RANBP9: variants seen among roughly 807,000 people sequenced by gnomAD.
The protein encoded by RANBP9 is ran-binding protein 9.
A neutral mutation model predicts 84.3 loss-of-function variants in RANBP9; 15 were observed. That is an observed-to-expected ratio of 0.18 (90% CI 0.12 to 0.27). RANBP9 has a LOEUF of 0.27. Ranked by LOEUF, RANBP9 falls within the 10% of genes least tolerant of loss-of-function variation. RANBP9 has a pLI of 1.00. For missense variants in RANBP9, 809 were observed against 912.8 expected (o/e 0.89, Z 1.46); for synonymous variants, 392 against 349.6 (o/e 1.12, Z -1.35).
chr6:13,676,370 C>G (rs1391368361), intron 2 of RANBP9, among the ~76,000 whole-genome samples: 1 of 151,906 alleles, frequency 6.6e-6, no homozygotes, highest in African/African-American at 2.4e-5. Flanking sequence ...TAATTCCAAC[C>G]AAACATGTAA....
rs139753744 is a variant in RANBP9, at chr6:13,680,697, A to G, written c.683+16088T>C. Among the ~76,000 whole-genome samples the G allele has an allele frequency of 3.3e-3, 504 of 152,076 alleles. 2 individuals are homozygous for G. Among genetic ancestry groups the G allele is most frequent in the African/African-American group, 0.012 (491 of 41,494 alleles). On this transcript the variant is annotated intron_variant, in intron 2 of 13. Transcript: ENST00000011619. ...CTTGGCCCCAGGAGGTTGAGGCTGC[A>G]GTGAGCCATGATTGTGCCACAGCCC...
chr6:13,656,525 G>A (rs1347841492), intron 4 of RANBP9, among the ~76,000 whole-genome samples: 1 of 152,052 alleles, frequency 6.6e-6, no homozygotes, highest in Non-Finnish European at 1.5e-5. Context: ...CAATGTATGG[G>A]TTTCAAGTTT....
chr6:13,700,634 C>A (rs1040252938), intron 1 of RANBP9, among the ~76,000 whole-genome samples: 2 of 152,182 alleles, frequency 1.3e-5, no homozygotes, highest in Admixed American at 1.3e-4. Context: ...ACACACTTAA[C>A]ACTCACGTTT....
At chr6:13,657,907 C>CA (rs1470334355) in intron 3 of RANBP9, among the ~76,000 whole-genome samples, 1 of 152,176 alleles carries the variant, frequency 6.6e-6, no homozygotes, top group Non-Finnish European at 1.5e-5. Flanking sequence ...GATGCAACTA[C>CA]ATTGTCTTGG....
intron 2 of RANBP9, among the ~76,000 whole-genome samples, chr6:13,688,982 C>CAAGAAAAAA (rs1766261383): frequency 3.3e-5 from 1 of 29,958 alleles, no homozygotes; most frequent in Non-Finnish European, 7.3e-5. Flanking sequence ...CCCATCTCCA[C>CAAGAAAAAA]AAAAAAAAAA....
chr6:13,652,597 T>A, intron 5 of RANBP9, 62 bp downstream of exon 5: 2 of 1,400,852 alleles, frequency 1.4e-6, no homozygotes, highest in South Asian at 2.4e-5. Context: ...ATATGCCCAG[T>A]ATCAGTTTCT....
intron 2 of RANBP9, among the ~76,000 whole-genome samples, chr6:13,691,163 CAAAAAAAAAA>C (rs767728179): frequency 5.4e-4 from 31 of 57,502 alleles, no homozygotes; most frequent in South Asian, 4.2e-3. Context: ...GACTCCGTCT[CAAAAAAAAAA>C]AAAAAAAAAG....
At chr6:13,624,232 T>C (rs1221342872) in intron 13 of RANBP9, among the ~76,000 whole-genome samples, 2 of 152,236 alleles carry the variant, frequency 1.3e-5, no homozygotes, top group Non-Finnish European at 2.9e-5. Context: ...ATAAATTTTC[T>C]AAGGGCAAAG....
In RANBP9 at chr6:13,639,619, T is replaced by C. The variant is rs1359609934; in HGVS notation, c.1469A>G (p.His490Arg). Reference sequence around the variant, plus strand: ...TGCTAAATTGTGGATATTCATTCCATGGCTGGGGCTCATACTTGGACTACT... The same window carrying C: ...TGCTAAATTGTGGATATTCATTCCACGGCTGGGGCTCATACTTGGACTACT... ...PFSSPSMSPS[H>R]GMNIHNLASG... The change falls in exon 9 of 14, where the codon CAT becomes CGT. Residue 490 changes from histidine (H) to arginine (R), a missense_variant. By Grantham distance (29) the His-to-Arg change is conservative. Transcript: ENST00000011619. The C allele has an allele frequency of 3.1e-6, 5 of 1,612,950 alleles. No homozygotes were observed. Among genetic ancestry groups the C allele is most frequent in the African/African-American group, 2.7e-5 (2 of 74,920 alleles).
intron 5 of RANBP9, among the ~76,000 whole-genome samples, chr6:13,650,175 T>G (rs935148657): frequency 2.0e-5 from 3 of 151,292 alleles, no homozygotes; most frequent in Non-Finnish European, 2.9e-5. Flanking sequence ...TGTTTTTTTT[T>G]TTTTTAGTAG....
At chr6:13,645,281 T>A (rs1765155123) in intron 5 of RANBP9, among the ~76,000 whole-genome samples, 1 of 151,766 alleles carries the variant, frequency 6.6e-6, no homozygotes, top group South Asian at 2.1e-4. Flanking sequence ...CAAAACACAG[T>A]GCCAGGAAGA....
At position 13,711,026 on chromosome 6, in the gene RANBP9, T is replaced by C; in HGVS notation, c.480A>G (p.Glu160=). 6.2e-7 allele frequency: 1 copy of C among 1,602,972 alleles called. No homozygotes were observed. The highest frequency in any genetic ancestry group is 1.1e-5 in the South Asian group (1 of 89,350). ...AGGACCGAGGCAGCGGCGTCTCTTG[T>C]TCGTCCACGGCCGGGTAGAGACGCT... ...RLKRLYPAVD[E]QETPLPRSWS... The change falls in exon 1 of 14, where the codon GAA becomes GAG. Residue 160 remains glutamate (E), a synonymous_variant. Coordinates refer to ENST00000011619, the MANE Select transcript of RANBP9 (RefSeq NM_005493.3).
intron 5 of RANBP9, among the ~76,000 whole-genome samples, chr6:13,651,394 GTTTTTTTGT>G (rs1453614051): frequency 3.6e-5 from 3 of 83,774 alleles, no homozygotes; most frequent in Non-Finnish European, 6.8e-5. Context: ...TTGTTGTTTT[GTTTTTTTGT>G]TTTTTTTTTG....
intron 2 of RANBP9, among the ~76,000 whole-genome samples, chr6:13,666,304 G>A (rs138617774): frequency 4.3e-4 from 65 of 152,012 alleles, no homozygotes; most frequent in African/African-American, 1.5e-3. Flanking sequence ...AGTCAGGTCC[G>A]CTATATCATG....
intron 3 of RANBP9, 55 bp from the exon 4 acceptor site, chr6:13,657,331 G>T: frequency 7.0e-7 from 1 of 1,431,288 alleles, no homozygotes; most frequent in Non-Finnish European, 9.6e-7. Flanking sequence ...CTCTGTACTA[G>T]GTTTATTCAC....
chr6:13,663,621 C>T (rs184111487), intron 2 of RANBP9, among the ~76,000 whole-genome samples: 29 of 151,836 alleles, frequency 1.9e-4, no homozygotes, highest in African/African-American at 5.8e-4. Context: ...AAAAAAGATA[C>T]ACAAAATCTA....
intron 5 of RANBP9, among the ~76,000 whole-genome samples, chr6:13,645,151 TATC>T (rs1252862631): frequency 6.6e-6 from 1 of 152,216 alleles, no homozygotes; most frequent in Non-Finnish European, 1.5e-5. Context: ...TAAAGCTAGT[TATC>T]ATAAAAGTAT....
chr6:13,635,533 C>T (rs966929269), intron 10 of RANBP9, among the ~76,000 whole-genome samples: 5 of 151,196 alleles, frequency 3.3e-5, no homozygotes, highest in Non-Finnish European at 7.4e-5. Context: ...AACCACTATG[C>T]GTAATACCAC....
At chr6:13,689,004 A>AAAAAAAAAATAG (rs374538732) in intron 2 of RANBP9, among the ~76,000 whole-genome samples, 1 of 108,996 alleles carries the variant, frequency 9.2e-6, no homozygotes. Flanking sequence ...AAAAAAAAAA[A>AAAAAAAAAATAG]TGCTGGGCAT....
Sources: allele counts gnomAD v4.1 joint callset (sites outside exome capture counted in the v4.1 genomes callset), GRCh38; gene constraint gnomAD v4.1.1; transcripts MANE v1.5; gene names NCBI Gene and HGNC (gene_info 2026-07-23, HGNC 2026-07-21).